Variants in ZNF90 observed in about 807,000 individuals in gnomAD.
ZNF90 encodes the protein zinc finger protein 90.
Under a neutral mutation model 12.0 loss-of-function variants are expected in ZNF90, and 11 were observed. The observed-to-expected ratio is 0.92, with a 90% CI of 0.58 to 1.52. The LOEUF is 1.52. Ranked by LOEUF, ZNF90 falls within the 40% of genes most tolerant of loss-of-function variation. ZNF90 has a pLI of 0.00. For missense variants in ZNF90, 765 were observed against 711.5 expected, an observed-to-expected ratio of 1.08 and a Z score of -0.86; for synonymous variants, 232 against 240.1, an observed-to-expected ratio of 0.97 and a Z score of 0.31.
intron 1 of ZNF90, among the ~76,000 whole-genome samples, chr19:20,097,926 T>A (rs1300062168): frequency 2.6e-5 from 4 of 152,220 alleles, no homozygotes; most frequent in Non-Finnish European, 5.9e-5. Flanking sequence ...CAAATATAAA[T>A]TTCTGATAAA....
In ZNF90 at chr19:20,119,463, C is replaced by A; in HGVS notation, c.*103C>A. 7 of 935,732 alleles carry A rather than the reference C, an allele frequency of 7.5e-6. No individual in the cohort carries two copies. The highest frequency in any genetic ancestry group is 1.7e-5 in the African/African-American group (1 of 59,622). 58.0% of individuals were successfully genotyped at this position (935,732 alleles called of 1,614,324 possible). ...GCCTTTGACCACCCCTCTACTCTTA[C>A]TAAATATGAGAATTTATATGAAACA... is the stretch of plus-strand genomic sequence containing the variant. On this transcript the variant is annotated 3_prime_UTR_variant, in exon 4 of 4. Transcript: ENST00000418063.
At chr19:20,106,044 CTTTTTTTTTTTTT>C (rs56933917) in intron 3 of ZNF90, among the ~76,000 whole-genome samples, 2 of 71,040 alleles carry the variant, frequency 2.8e-5, no homozygotes, top group African/African-American at 5.3e-5. Flanking sequence ...CTAATTTTTT[CTTTTTTTTTTTTT>C]TTTTTTTTTT....
intron 1 of ZNF90, among the ~76,000 whole-genome samples, chr19:20,097,746 A>G (rs2088960081): frequency 6.6e-6 from 1 of 152,232 alleles, no homozygotes; most frequent in Non-Finnish European, 1.5e-5. Flanking sequence ...GAAAAGTGCA[A>G]GTACTTTTTC....
chr19:20,110,866 A>G (rs1189953356), intron 3 of ZNF90, among the ~76,000 whole-genome samples: 1 of 152,092 alleles, frequency 6.6e-6, no homozygotes, highest in African/African-American at 2.4e-5. Flanking sequence ...TTTCTAAATT[A>G]AGTTATTCAC....
chr19:20,089,214 G>A (rs2088883047), intron 1 of ZNF90, among the ~76,000 whole-genome samples: 1 of 152,128 alleles, frequency 6.6e-6, no homozygotes, highest in African/African-American at 2.4e-5. Context: ...TTTTCATGGT[G>A]TATGAGAAAA....
At position 20,118,938 on chromosome 19, in the gene ZNF90, T is replaced by C. The variant is rs781908959; in HGVS notation, c.1384T>C (p.Phe462Leu). ...CAAATGTGAAGAATGTGGCAAAGCC[T>C]TCAAGCGCTCCTCAAACCTTACTAC... is the stretch of plus-strand genomic sequence containing the variant. ...PYKCEECGKA[F>L]KRSSNLTTHK... Residue 462 changes from phenylalanine (F) to leucine (L), a missense_variant, in exon 4 of 4, where the codon TTC (phenylalanine) becomes CTC (leucine). Coordinates refer to ENST00000418063, the MANE Select transcript of ZNF90 (RefSeq NM_007138.2). 2 of 1,613,136 alleles carry C rather than the reference T, an allele frequency of 1.2e-6. No individual in the cohort carries two copies. The highest frequency in any genetic ancestry group is 2.2e-5 in the East Asian group (1 of 44,858).
intron 1 of ZNF90, among the ~76,000 whole-genome samples, chr19:20,090,911 C>G (rs544816026): frequency 6.6e-6 from 1 of 152,066 alleles, no homozygotes; most frequent in Admixed American, 6.5e-5. Context: ...ACCATTAGTC[C>G]GTTCTACCTT....
chr19:20,112,715 A>G (rs1222634915), intron 3 of ZNF90, among the ~76,000 whole-genome samples: 2 of 152,190 alleles, frequency 1.3e-5, no homozygotes, highest in Non-Finnish European at 2.9e-5. Flanking sequence ...AAGTAAAATA[A>G]TTTAAAATCG....
At chr19:20,117,283 A>G (rs1488645778) in intron 3 of ZNF90, among the ~76,000 whole-genome samples, 3 of 152,074 alleles carry the variant, frequency 2.0e-5, no homozygotes, top group Non-Finnish European at 4.4e-5. Flanking sequence ...ACTTCAGGTG[A>G]TCCACCTGCC....
chr19:20,106,053 T>TC lies in ZNF90; in HGVS notation c.226+737_226+738insC, dbSNP rs1276108320. On this transcript the variant is annotated intron_variant, in intron 3 of 3. Transcript: ENST00000418063. Reference sequence around the variant, plus strand: ...ACTTCTCTAATTTTTTCTTTTTTTTTTTTTTTTTTTTTTTGGTAAAGAGTT... The same window carrying TC: ...ACTTCTCTAATTTTTTCTTTTTTTTTCTTTTTTTTTTTTTTGGTAAAGAGTT... Among the ~76,000 whole-genome samples the TC allele has an allele frequency of 7.4e-5, 11 of 148,352 alleles. No individual in the cohort carries two copies. In the East Asian group the frequency reaches 1.7e-3, roughly 24 times the overall value.
chr19:20,117,560 C>A (rs1342537995), intron 3 of ZNF90: 1 of 982,944 alleles, frequency 1.0e-6, no homozygotes, highest in East Asian at 1.1e-4. Flanking sequence ...CCTCAGCTTC[C>A]CAAGTAGCTG....
chr19:20,108,009 C>G (rs1555704627), intron 3 of ZNF90, among the ~76,000 whole-genome samples: 1 of 151,926 alleles, frequency 6.6e-6, no homozygotes, highest in African/African-American at 2.4e-5. Context: ...TAACCCTATT[C>G]TGGAAAAAAA....
rs1230264287 is a variant in ZNF90 at position 20,120,370 on chromosome 19, G to A, written c.*1010G>A. Reference sequence around the variant, plus strand: ...AGACAACCATTACACATATAAAGGGGGTTGTATTACCTTTACTTGCATCAC... The same window carrying A: ...AGACAACCATTACACATATAAAGGGAGTTGTATTACCTTTACTTGCATCAC... On this transcript the variant is annotated 3_prime_UTR_variant, in exon 4 of 4. Coordinates refer to ENST00000418063, the MANE Select transcript of ZNF90 (RefSeq NM_007138.2). 1.1e-4 allele frequency among the ~76,000 whole-genome samples: 16 copies of A among 152,120 alleles called. No homozygotes were observed. The highest frequency in any genetic ancestry group is 3.6e-4 in the African/African-American group (15 of 41,410).
intron 1 of ZNF90, among the ~76,000 whole-genome samples, chr19:20,102,503 C>T (rs1239339381): frequency 6.6e-6 from 1 of 152,196 alleles, no homozygotes; most frequent in Non-Finnish European, 1.5e-5. Context: ...CTTCCCCTCC[C>T]TTGCCCAAGT....
Position 20,078,100 on chromosome 19 carries a change from A to C in ZNF90, c.-33A>C. ...CCCTGTGACCTGCAGGTATTGGGAG[A>C]TCCACAGCTGAGGGACCCCCGGAAG... On this transcript the variant is annotated 5_prime_UTR_variant, in exon 1 of 4. Coordinates refer to ENST00000418063, the MANE Select transcript of ZNF90 (RefSeq NM_007138.2). 6.2e-7 allele frequency: 1 copy of C among 1,613,980 alleles called. No individual in the cohort carries two copies.
At chr19:20,094,805 G>A (rs1246592583) in intron 1 of ZNF90, among the ~76,000 whole-genome samples, 2 of 152,050 alleles carry the variant, frequency 1.3e-5, no homozygotes, top group Non-Finnish European at 2.9e-5. Flanking sequence ...GGGGTCTGAT[G>A]AGAAAGAGCC....
chr19:20,081,104 C>T (rs2088816764), intron 1 of ZNF90, among the ~76,000 whole-genome samples: 1 of 152,164 alleles, frequency 6.6e-6, no homozygotes, highest in Admixed American at 6.5e-5. Flanking sequence ...AGGATTCCCA[C>T]CTACTCACAA....
At chr19:20,110,455 T>G (rs782571076) in intron 3 of ZNF90, among the ~76,000 whole-genome samples, 7 of 152,060 alleles carry the variant, frequency 4.6e-5, no homozygotes, top group Non-Finnish European at 7.4e-5. Flanking sequence ...ATTTTTTGTA[T>G]TTTTGGTAGA....
chr19:20,119,622 C>CT lies in ZNF90; in HGVS notation c.*277dup, dbSNP rs375392718. 24,985 of 233,766 alleles carry CT rather than the reference C, an allele frequency of 0.11. 1,966 individuals carry two copies. The highest frequency in any genetic ancestry group is 0.31 in the African/African-American group (12,959 of 41,372). The allele number at this position is 233,766 out of a possible 1,614,324, so 14.5% of individuals were successfully genotyped here. ...CAAAGCCTATAACAAGTTCTCAATT[C>CT]TTTTTTTTTTTTTTTAAGAAGGAGT... On this transcript the variant is annotated 3_prime_UTR_variant, in exon 4 of 4. Transcript: ENST00000418063.
Sources: gnomAD v4.1 joint callset for allele counts (sites outside exome capture counted in the v4.1 genomes callset) on GRCh38, gnomAD v4.1.1 for gene constraint, MANE v1.5 for transcripts, NCBI Gene and HGNC (gene_info 2026-07-23, HGNC 2026-07-21) for gene names.